Variants in CTBP2 observed in about 807,000 individuals in gnomAD.
CTBP2 encodes the protein C-terminal binding protein 2.
A neutral mutation model predicts 80.3 loss-of-function variants in CTBP2; 30 were observed. The observed-to-expected ratio is 0.37, with a 90% CI of 0.28 to 0.51. The LOEUF (loss-of-function observed/expected upper bound fraction) is 0.51. Ranked by LOEUF, CTBP2 falls within the 20% of genes least tolerant of loss-of-function variation. The pLI, the probability that CTBP2 is intolerant of heterozygous loss-of-function variation, is 0.93. For missense variants in CTBP2, 1,212 were observed against 1,375.3 expected, an observed-to-expected ratio of 0.88 and a Z score of 1.88; for synonymous variants, 594 against 587.4, an observed-to-expected ratio of 1.01 and a Z score of -0.16.
intron 1 of CTBP2, among the ~76,000 whole-genome samples, chr10:125,023,494 G>A (rs941835713): frequency 1.1e-4 from 16 of 152,180 alleles, no homozygotes; most frequent in African/African-American, 3.9e-4. Context: ...AGCCACCGCC[G>A]GAGGGCTCCG....
At chr10:125,127,075 G>A (rs562203808) in intron 1 of CTBP2, among the ~76,000 whole-genome samples, 4 of 152,322 alleles carry the variant, frequency 2.6e-5, no homozygotes, top group African/African-American at 9.6e-5. Flanking sequence ...AAACAGCCGA[G>A]TGTTACACGA....
At chr10:125,084,536 G>A (rs1017136317) in intron 2 of CTBP2, among the ~76,000 whole-genome samples, 15 of 152,120 alleles carry the variant, frequency 9.9e-5, no homozygotes, top group African/African-American at 3.1e-4. Flanking sequence ...AAGGGAGGGC[G>A]TGAGGAGGTG....
upstream of CTBP2, among the ~76,000 whole-genome samples, chr10:125,161,422 C>G (rs1012601573): frequency 1.3e-5 from 2 of 152,080 alleles, no homozygotes; most frequent in African/African-American, 2.4e-5. Context: ...ACGCGAGCCC[C>G]GGGTGGCCCC....
intron 1 of CTBP2, among the ~76,000 whole-genome samples, chr10:125,118,519 A>C (rs1160518628): frequency 6.6e-6 from 1 of 152,172 alleles, no homozygotes; most frequent in Non-Finnish European, 1.5e-5. Flanking sequence ...CATTTTGTGA[A>C]TTCAAGCTGC....
At chr10:124,993,172 T>C in intron 7 of CTBP2, 30 bp downstream of exon 9, 1 of 1,579,400 alleles carries the variant, frequency 6.3e-7, no homozygotes, top group Non-Finnish European at 8.7e-7. Flanking sequence ...GAGGCTGCCC[T>C]TGGCAGGCCA....
intron 2 of CTBP2, among the ~76,000 whole-genome samples, chr10:125,081,480 T>A (rs12781134): frequency 6.6e-6 from 1 of 152,238 alleles, no homozygotes; most frequent in Non-Finnish European, 1.5e-5. Context: ...TAGCCTTATA[T>A]ATTTGCAAAT....
intron 2 of CTBP2, chr10:125,100,537 TTTTAA>T (rs1385189443): frequency 1.3e-5 from 2 of 152,230 alleles, no homozygotes; most frequent in African/African-American, 2.4e-5. Flanking sequence ...AAAAAAAATT[TTTTAA>T]TTTAATTTTT....
chr10:125,010,810 C>T (rs756227893), intron 1 of CTBP2, among the ~76,000 whole-genome samples: 3 of 152,140 alleles, frequency 2.0e-5, no homozygotes, highest in Non-Finnish European at 4.4e-5. Flanking sequence ...ACTTAGAAAG[C>T]GGTGATGGCT....
chr10:125,075,967 C>A (rs1307299224), intron 2 of CTBP2, among the ~76,000 whole-genome samples: 2 of 152,180 alleles, frequency 1.3e-5, no homozygotes, highest in African/African-American at 4.8e-5. Context: ...ACATGTGCAC[C>A]AAATGACATG....
At chr10:125,044,380 GC>G (rs1192538614) in intron 2 of CTBP2, among the ~76,000 whole-genome samples, 1 of 152,216 alleles carries the variant, frequency 6.6e-6, no homozygotes, top group African/African-American at 2.4e-5. Flanking sequence ...AGTTAACAGG[GC>G]CTTGAGAACG....
At chr10:125,036,286 G>A (rs1430227572) in intron 3 of CTBP2, among the ~76,000 whole-genome samples, 3 of 152,196 alleles carry the variant, frequency 2.0e-5, no homozygotes, top group African/African-American at 7.2e-5. Flanking sequence ...TTCCAGCGGA[G>A]TACCTGGAGT....
At chr10:125,127,484 T>A (rs921435794) in intron 1 of CTBP2, among the ~76,000 whole-genome samples, 1 of 152,182 alleles carries the variant, frequency 6.6e-6, no homozygotes, top group Non-Finnish European at 1.5e-5. Context: ...AGATCAATAA[T>A]TTTTTGGGAG....
chr10:125,009,851 C>T (rs1348004295), intron 1 of CTBP2, among the ~76,000 whole-genome samples: 1 of 152,200 alleles, frequency 6.6e-6, no homozygotes, highest in Admixed American at 6.5e-5. Flanking sequence ...GGAAGGCGGT[C>T]TGTGGGAGCC....
intron 2 of CTBP2, among the ~76,000 whole-genome samples, chr10:125,075,345 G>T (rs34798300): frequency 0.062 from 9,501 of 152,198 alleles, 312 homozygotes; most frequent in East Asian, 0.097. Context: ...ATTAGGCCAT[G>T]AGGCTCTACC....
chr10:125,106,832 C>A (rs988871613), intron 2 of CTBP2, among the ~76,000 whole-genome samples: 1 of 152,230 alleles, frequency 6.6e-6, no homozygotes, highest in African/African-American at 2.4e-5. Flanking sequence ...GCCAGGGTGG[C>A]GCAGGAAGCG....
At chr10:125,008,506 C>T (rs1355948324) in intron 1 of CTBP2, among the ~76,000 whole-genome samples, 1 of 152,234 alleles carries the variant, frequency 6.6e-6, no homozygotes, top group African/African-American at 2.4e-5. Context: ...GAGGGAGCCT[C>T]TGTGGAATGA....
In CTBP2 at chr10:125,037,133, TA is replaced by T. The variant is rs754229940; in HGVS notation, c.58+1863del. Among the ~76,000 whole-genome samples, 14 of 152,326 alleles carry T rather than the reference TA, an allele frequency of 9.2e-5. No individual in the cohort carries two copies. The South Asian group carries it at 2.9e-3, about 32-fold the overall frequency. ...GACAAGGTAATGCAAACTTCTGTTA[TA>T]AAAAATTGGCTGAAAATTTCCTATT... On this transcript the variant is annotated intron_variant, in intron 3 of 10. Transcript: ENST00000337195.
intron 2 of CTBP2, among the ~76,000 whole-genome samples, chr10:125,074,565 C>T (rs2135491305): frequency 6.6e-6 from 1 of 152,262 alleles, no homozygotes; most frequent in South Asian, 2.1e-4. Flanking sequence ...TGGCTGGTCT[C>T]AAACTCCTGA....
chr10:125,150,734 A>G (rs1055864955), intron 1 of CTBP2, among the ~76,000 whole-genome samples: 3 of 149,986 alleles, frequency 2.0e-5, no homozygotes, highest in Admixed American at 6.7e-5. Flanking sequence ...GGACATAGTG[A>G]GTCTGTGATC....
Sources: gnomAD v4.1 joint callset for allele counts (sites outside exome capture counted in the v4.1 genomes callset) on GRCh38, gnomAD v4.1.1 for gene constraint, MANE v1.5 for transcripts, NCBI Gene and HGNC (gene_info 2026-07-23, HGNC 2026-07-21) for gene names.